SSR2: variants seen among roughly 807,000 people sequenced by gnomAD.
The protein encoded by SSR2 is signal sequence receptor subunit 2, also known as translocon-associated protein subunit beta.
A neutral mutation model predicts 22.6 loss-of-function variants in SSR2; 16 were observed. The ratio of observed to expected loss-of-function variants is 0.71; its 90% CI spans 0.48 to 1.08. The LOEUF is 1.08. Among genes scored for constraint, SSR2 ranks in the 50% least tolerant of loss-of-function variants. SSR2 has a pLI of 0.00. For missense variants in SSR2, 171 were observed against 221.6 expected (o/e 0.77, Z 1.45); for synonymous variants, 83 against 91.2 (o/e 0.91, Z 0.51).
chr1:156,016,567 T>C (rs570358342), intron 3 of SSR2, among the ~76,000 whole-genome samples: 21 of 145,276 alleles, frequency 1.4e-4, no homozygotes, highest in Admixed American at 5.7e-4. Context: ...TTAACTATAA[T>C]TGAAGGAAAT....
In SSR2 at chr1:156,020,887, C is replaced by G. The variant is rs961174861; in HGVS notation, c.-1+1G>C. 1 of 471,108 alleles carries G rather than the reference C, an allele frequency of 2.1e-6. No homozygotes were observed. Among genetic ancestry groups the G allele is most frequent in the African/African-American group, 2.0e-5 (1 of 50,090 alleles). 29.2% of individuals were successfully genotyped at this position (471,108 alleles called of 1,614,324 possible). A position where few individuals can be genotyped will look rare whatever the true frequency, so the allele number is the denominator to read the frequency against. ...CGGACGCCCTAAGCCTCCGGACTTA[C>G]CGTTGGCATCCCAAACGCCTTTCCG... On this transcript the variant is annotated splice_donor_variant, in intron 1 of 5. Transcript: ENST00000295702. LOFTEE classifies it low-confidence loss of function (5UTR_SPLICE).
chr1:156,011,039 TTGGCTCAC>T (rs891619193), intron 5 of SSR2: 1 of 151,944 alleles, frequency 6.6e-6, no homozygotes, highest in Non-Finnish European at 1.5e-5. Flanking sequence ...TGGCTCGATC[TTGGCTCAC>T]TGCAACCTCC....
Position 156,009,521 on chromosome 1 carries a change from AG to A in SSR2, c.*18del. 5.1e-6 allele frequency: 8 copies of A among 1,572,820 alleles called. No individual in the cohort carries two copies. The highest frequency in any genetic ancestry group is 7.0e-6 in the Non-Finnish European group (8 of 1,143,484). Reference sequence around the variant, plus strand: ...AGGAGCCTGGATTTCTTGGGAGAGGAGGGCTGTGGAAGCCCCAATCAGTTCT... The same window carrying A: ...AGGAGCCTGGATTTCTTGGGAGAGGAGGCTGTGGAAGCCCCAATCAGTTCT... On this transcript the variant is annotated 3_prime_UTR_variant, in exon 6 of 6. Coordinates refer to ENST00000295702, the MANE Select transcript of SSR2 (RefSeq NM_003145.4).
intron 2 of SSR2, 109 bp downstream of exon 2, chr1:156,019,903 TG>T: frequency 1.6e-6 from 2 of 1,235,482 alleles, no homozygotes; most frequent in Non-Finnish European, 2.2e-6. Context: ...TATCTGATGC[TG>T]GAAGTGTCCC....
chr1:156,015,657 G>C (rs1683045044), intron 3 of SSR2, among the ~76,000 whole-genome samples: 1 of 147,070 alleles, frequency 6.8e-6, no homozygotes, highest in Non-Finnish European at 1.5e-5. Flanking sequence ...CAAAATCTTG[G>C]GTTCAAGTGA....
intron 1 of SSR2, chr1:156,020,393 C>T: frequency 2.1e-6 from 1 of 474,840 alleles, no homozygotes; most frequent in East Asian, 3.9e-5. Flanking sequence ...ATCTACTGCC[C>T]TCTTCCTGTC....
chr1:156,011,798 T>G lies in SSR2; in HGVS notation c.441+12A>C. On this transcript the variant is annotated intron_variant, in intron 5 of 5. Transcript: ENST00000295702. Reference sequence around the variant, plus strand: ...CCAAGGAACTGATGAGAGAGAACACTAGAAAGCTTACAAAATGAGGGGAGA... The same window carrying G: ...CCAAGGAACTGATGAGAGAGAACACGAGAAAGCTTACAAAATGAGGGGAGA... The G allele has an allele frequency of 6.2e-7, 1 of 1,611,624 alleles. No homozygotes were observed. Among genetic ancestry groups the G allele is most frequent in the East Asian group, 2.2e-5 (1 of 44,840 alleles).
At position 156,020,162 on chromosome 1, in the gene SSR2, C is replaced by T. The variant is rs567472407; in HGVS notation, c.6G>A (p.Arg2=). The T allele has an allele frequency of 6.2e-7, 1 of 1,613,510 alleles. No individual in the cohort carries two copies. The highest frequency in any genetic ancestry group is 1.1e-5 in the South Asian group (1 of 91,002). M[R]LLSFVVLALF... ...GAGCCAACACCACAAATGACAGCAG[C>T]CTCATCTTTAGAGAAAAAAGCAAAG... is the stretch of plus-strand genomic sequence containing the variant. Residue 2 remains arginine (R), a synonymous_variant, in exon 2 of 6, where the codon AGG becomes AGA. Coordinates refer to ENST00000295702, the MANE Select transcript of SSR2 (RefSeq NM_003145.4).
At chr1:156,016,174 C>T (rs540156504) in intron 3 of SSR2, among the ~76,000 whole-genome samples, 8 of 152,124 alleles carry the variant, frequency 5.3e-5, no homozygotes, top group African/African-American at 1.9e-4. Context: ...TACAGTCATT[C>T]AATCAGTGCT....
At chr1:156,018,513 G>C (rs1269132519) in intron 2 of SSR2, 145 bp from the exon 3 acceptor site, 2 of 510,292 alleles carry the variant, frequency 3.9e-6, no homozygotes, top group African/African-American at 3.9e-5. Flanking sequence ...TTCGAGACCA[G>C]CCTGGCCAAC....
chr1:156,015,741 T>A (rs938502792), intron 3 of SSR2, among the ~76,000 whole-genome samples: 28 of 151,294 alleles, frequency 1.9e-4, no homozygotes, highest in African/African-American at 5.8e-4. Context: ...GCATCTTTTT[T>A]AAATCTAAAG....
chr1:156,020,269 A>G (rs920961427), intron 1 of SSR2, 102 bp from the exon 2 acceptor site: 1 of 1,262,772 alleles, frequency 7.9e-7, no homozygotes, highest in Non-Finnish European at 1.1e-6. Context: ...ATGCTACCAG[A>G]ACAGCAGCCC....
Position 156,009,594 on chromosome 1 carries a change from T to C in SSR2, c.498A>G (p.Leu166=), listed in dbSNP as rs760129542. The change falls in exon 6 of 6, where the codon CTA becomes CTG. Residue 166 remains leucine (L), a synonymous_variant. Coordinates refer to ENST00000295702, the MANE Select transcript of SSR2 (RefSeq NM_003145.4). ...ATTTCCTCTTGCTGGAGTACCACAATAGCAGGGGGATGCCGATGGAGGGAA... is the reference window on the plus strand; with the variant it reads ...ATTTCCTCTTGCTGGAGTACCACAACAGCAGGGGGATGCCGATGGAGGGAA... The part of the protein sequence containing the change: ...MTLPSIGIPL[L]LWYSSKRKYD... 3.1e-6 allele frequency: 5 copies of C among 1,613,056 alleles called. No individual in the cohort carries two copies. Among genetic ancestry groups the C allele is most frequent in the Non-Finnish European group, 3.4e-6 (4 of 1,179,642 alleles).
In SSR2 at chr1:156,020,875, C is replaced by A; in HGVS notation, c.-1+13G>T. ...GCCTCTCCCGTTCGGACGCCCTAAG[C>A]CTCCGGACTTACCGTTGGCATCCCA... On this transcript the variant is annotated intron_variant, in intron 1 of 5. Coordinates refer to ENST00000295702, the MANE Select transcript of SSR2 (RefSeq NM_003145.4). 2.1e-6 allele frequency: 1 copy of A among 471,208 alleles called. No homozygotes were observed. The highest frequency in any genetic ancestry group is 4.4e-6 in the Non-Finnish European group (1 of 226,978). The allele number at this position is 471,208 out of a possible 1,614,324, so 29.2% of individuals were successfully genotyped here.
In SSR2 at chr1:156,011,790, G is replaced by A; in HGVS notation, c.441+20C>T. The stretch of plus-strand genomic sequence containing the variant: ...TTCTCATACCAAGGAACTGATGAGA[G>A]AGAACACTAGAAAGCTTACAAAATG... On this transcript the variant is annotated intron_variant, in intron 5 of 5. Transcript: ENST00000295702. 6.2e-7 allele frequency: 1 copy of A among 1,605,574 alleles called. No homozygotes were observed. The highest frequency in any genetic ancestry group is 1.7e-5 in the Admixed American group (1 of 59,950).
intron 3 of SSR2, among the ~76,000 whole-genome samples, chr1:156,016,807 C>T (rs1191741652): frequency 6.6e-6 from 1 of 152,050 alleles, no homozygotes; most frequent in Non-Finnish European, 1.5e-5. Context: ...GATATGAGTT[C>T]TCACAAGATC....
chr1:156,012,075 T>C, intron 4 of SSR2, 188 bp from the exon 5 acceptor site: 1 of 532,640 alleles, frequency 1.9e-6, no homozygotes, highest in Non-Finnish European at 3.4e-6. Flanking sequence ...GATTCTCTCT[T>C]AGTGTGTTAT....
intron 5 of SSR2, among the ~76,000 whole-genome samples, chr1:156,009,984 G>A (rs904601023): frequency 1.3e-5 from 2 of 152,002 alleles, no homozygotes; most frequent in African/African-American, 4.8e-5. Context: ...ATGTTGGTCA[G>A]GCTGGTCTTG....
intron 1 of SSR2, 150 bp from the exon 2 acceptor site, chr1:156,020,317 C>T (rs954076010): frequency 4.1e-6 from 3 of 728,670 alleles, no homozygotes; most frequent in East Asian, 2.8e-5. Context: ...AGAGCAGACC[C>T]GTTCTCCAGA....
Sources: gnomAD v4.1 joint callset for allele counts (sites outside exome capture counted in the v4.1 genomes callset) on GRCh38, gnomAD v4.1.1 for gene constraint, MANE v1.5 for transcripts, NCBI Gene and HGNC (gene_info 2026-07-23, HGNC 2026-07-21) for gene names.